The following ABCA12 variants were observed in gnomAD, a reference collection of about 807,000 sequenced individuals.
The protein encoded by ABCA12 is glucosylceramide transporter ABCA12.
In ABCA12, 156 loss-of-function variants were observed where a neutral mutation model predicts 293.5. That is an observed-to-expected ratio of 0.53 (90% CI 0.47 to 0.61). The LOEUF is 0.61. Among genes scored for constraint, ABCA12 ranks in the 20% least tolerant of loss-of-function variants. The pLI, the probability that ABCA12 is intolerant of heterozygous loss-of-function variation, is 0.00. For missense variants in ABCA12, 2,797 were observed against 3,090.2 expected (o/e 0.91, Z 2.25); for synonymous variants, 1,063 against 1,108.0 (o/e 0.96, Z 0.81).
chr2:215,071,427 C>T (rs572745763), intron 2 of ABCA12, among the ~76,000 whole-genome samples: 21 of 151,390 alleles, frequency 1.4e-4, no homozygotes, highest in African/African-American at 4.8e-4. Flanking sequence ...AATAAACAAA[C>T]ATAAACAATA....
At chr2:215,003,693 G>C (rs947239388) in intron 20 of ABCA12, among the ~76,000 whole-genome samples, 2 of 149,318 alleles carry the variant, frequency 1.3e-5, no homozygotes, top group Non-Finnish European at 3.0e-5. Context: ...TTGAGACAGG[G>C]TTTTACTCCT....
At chr2:214,955,926 A>T (rs578016955) in intron 42 of ABCA12, among the ~76,000 whole-genome samples, 26 of 152,222 alleles carry the variant, frequency 1.7e-4, no homozygotes, top group Non-Finnish European at 2.6e-4. Context: ...CAAGCCTTTT[A>T]GGTTGCTCAG....
At chr2:215,052,698 G>T in intron 4 of ABCA12, 114 bp from the exon 5 acceptor site, 1 of 895,260 alleles carries the variant, frequency 1.1e-6, no homozygotes, top group Non-Finnish European at 1.8e-6. Flanking sequence ...CAGCAAGGAT[G>T]TGCTCAAACA....
chr2:215,062,631 T>C (rs1294747348), intron 3 of ABCA12, among the ~76,000 whole-genome samples: 1 of 152,028 alleles, frequency 6.6e-6, no homozygotes, highest in African/African-American at 2.4e-5. Context: ...GCTGACTTTT[T>C]GCTCTTCTAA....
Position 214,937,612 on chromosome 2 carries a change from A to G in ABCA12, c.7440T>C (p.Phe2480=). The G allele has an allele frequency of 6.2e-7, 1 of 1,613,330 alleles. No individual in the cohort carries two copies. Among genetic ancestry groups the G allele is most frequent in the Non-Finnish European group, 8.5e-7 (1 of 1,179,376 alleles). The change falls in exon 51 of 53, where the codon TTT becomes TTC. Residue 2480 remains phenylalanine (F), a synonymous_variant. Transcript: ENST00000272895. ...IGSLQHIKSR[F]GRGFTVKVHL... is the part of the protein sequence containing the mutation. ...GAACTTTGACAGTAAATCCTCGTCC[A>G]AACCTAGAAAGAAAAAGTGCAAAAT... is the stretch of plus-strand genomic sequence containing the variant.
At chr2:214,980,409 A>G in intron 31 of ABCA12, 74 bp downstream of exon 31, 1 of 1,581,438 alleles carries the variant, frequency 6.3e-7, no homozygotes, top group Non-Finnish European at 8.6e-7. Flanking sequence ...ATAAAGTTGG[A>G]GAGACTCTGC....
Position 215,054,645 on chromosome 2 carries a change from A to T in ABCA12, c.337T>A (p.Ser113Thr). ...FKDSEILRKS[S>T]NLDKDSSLSF... is the part of the protein sequence containing the mutation. ...AAACTGCTGTCCTTATCCAGGTTGG[A>T]TGACTTTCTCAGAATCTCACTAGAG... is the stretch of plus-strand genomic sequence containing the variant. The change falls in exon 4 of 53, where the codon TCC becomes ACC. Residue 113 changes from serine (S) to threonine (T), a missense_variant. Ser to Thr is a moderately conservative substitution (Grantham distance 58). Coordinates refer to ENST00000272895, the MANE Select transcript of ABCA12 (RefSeq NM_173076.3). 1 of 1,611,920 alleles carries T rather than the reference A, an allele frequency of 6.2e-7. No individual in the cohort carries two copies. Among genetic ancestry groups the T allele is most frequent in the Non-Finnish European group, 8.5e-7 (1 of 1,178,418 alleles).
At position 215,011,483 on chromosome 2, in the gene ABCA12, G is replaced by A. The variant is rs760243073; in HGVS notation, c.2288C>T (p.Thr763Ile). The A allele has an allele frequency of 1.9e-6, 3 of 1,613,850 alleles. No individual in the cohort carries two copies. In the African/African-American group the frequency reaches 4.0e-5, roughly 22 times the overall value. The change falls in exon 17 of 53, where the codon ACT becomes ATT. Residue 763 changes from threonine (T) to isoleucine (I), a missense_variant. Coordinates refer to ENST00000272895, the MANE Select transcript of ABCA12 (RefSeq NM_173076.3). ...HTKDFLTYKLTKEQIASKYGI... is the reference protein window; with the variant it reads ...HTKDFLTYKLIKEQIASKYGI... Reference sequence around the variant, plus strand: ...ATATTTTGAAGCAATTTGCTCTTTAGTTAATTTATAAGTCAAAAAATCCTT... The same window carrying A: ...ATATTTTGAAGCAATTTGCTCTTTAATTAATTTATAAGTCAAAAAATCCTT...
intron 11 of ABCA12, chr2:215,023,333 A>C (rs1437941834): frequency 6.6e-6 from 1 of 152,198 alleles, no homozygotes; most frequent in East Asian, 1.9e-4. Context: ...TCTAGGACTG[A>C]ATGGGTCCCG....
chr2:215,037,827 C>A (rs1475062321), intron 7 of ABCA12, among the ~76,000 whole-genome samples: 4 of 152,178 alleles, frequency 2.6e-5, no homozygotes, highest in East Asian at 3.8e-4. Context: ...ATTGCACATG[C>A]ATTTCTACAT....
intron 8 of ABCA12, among the ~76,000 whole-genome samples, chr2:215,033,836 G>C (rs1399618098): frequency 6.6e-6 from 1 of 152,108 alleles, no homozygotes; most frequent in East Asian, 1.9e-4. Flanking sequence ...AGGTACTTGG[G>C]AGGCTGAAGC....
chr2:215,101,935 C>T (rs1281345517), intron 2 of ABCA12, among the ~76,000 whole-genome samples: 1 of 152,186 alleles, frequency 6.6e-6, no homozygotes, highest in Non-Finnish European at 1.5e-5. Flanking sequence ...CAGCCACCAG[C>T]TCCTACTCCT....
intron 34 of ABCA12, 142 bp downstream of exon 34, chr2:214,975,643 A>C: frequency 8.4e-7 from 1 of 1,188,876 alleles, no homozygotes; most frequent in Non-Finnish European, 1.2e-6. Context: ...GCAATCAATC[A>C]AACTGTTCAT....
intron 30 of ABCA12, among the ~76,000 whole-genome samples, chr2:214,981,158 A>AT (rs796301196): frequency 3.0e-4 from 45 of 151,672 alleles, no homozygotes; most frequent in African/African-American, 8.2e-4. Context: ...ATTTGGACGC[A>AT]TTTTTTTTCA....
At chr2:214,971,338 A>G (rs1699380849) in intron 36 of ABCA12, among the ~76,000 whole-genome samples, 1 of 152,200 alleles carries the variant, frequency 6.6e-6, no homozygotes, top group South Asian at 2.1e-4. Flanking sequence ...GAATACTCTT[A>G]TGTATTCGTG....
chr2:215,018,206 G>A, intron 13 of ABCA12, 74 bp from the exon 14 acceptor site: 2 of 1,557,956 alleles, frequency 1.3e-6, no homozygotes, highest in East Asian at 2.3e-5. Flanking sequence ...GACTAACATA[G>A]AGAAACCTTC....
At chr2:215,055,123 G>A (rs1173148518) in intron 3 of ABCA12, among the ~76,000 whole-genome samples, 1 of 152,034 alleles carries the variant, frequency 6.6e-6, no homozygotes, top group Non-Finnish European at 1.5e-5. Flanking sequence ...TTCAACACAG[G>A]TTCAAGGAAG....
intron 2 of ABCA12, among the ~76,000 whole-genome samples, chr2:215,091,935 T>C (rs1279958067): frequency 1.3e-5 from 2 of 152,204 alleles, no homozygotes; most frequent in Non-Finnish European, 2.9e-5. Context: ...CTGTGTCCCG[T>C]CTGTGAGGGA....
intron 1 of ABCA12, among the ~76,000 whole-genome samples, chr2:215,132,674 C>T (rs781532951): frequency 6.6e-6 from 1 of 151,772 alleles, no homozygotes; most frequent in Non-Finnish European, 1.5e-5. Flanking sequence ...ATGGCCATGT[C>T]TTTTTTAAAA....
Sources: allele counts gnomAD v4.1 joint callset (sites outside exome capture counted in the v4.1 genomes callset), GRCh38; gene constraint gnomAD v4.1.1; transcripts MANE v1.5; gene names NCBI Gene and HGNC (gene_info 2026-07-23, HGNC 2026-07-21).